The following TIAM1 variants were observed in gnomAD, a reference collection of about 807,000 sequenced individuals.
TIAM1 encodes TIAM Rac1 associated GEF 1.
TIAM1 carries 65 observed loss-of-function variants against 163.5 expected under a neutral mutation model. That is an observed-to-expected ratio of 0.40 (90% confidence interval 0.33 to 0.49). TIAM1 has a LOEUF of 0.49. Among genes scored for constraint, TIAM1 ranks in the 20% least tolerant of loss-of-function variants. TIAM1 has a pLI of 0.77. For missense variants in TIAM1, 1,789 were observed against 2,044.7 expected, an observed-to-expected ratio of 0.87 and a Z score of 2.41; for synonymous variants, 833 against 810.1, an observed-to-expected ratio of 1.03 and a Z score of -0.48.
intron 2 of TIAM1, among the ~76,000 whole-genome samples, chr21:31,437,095 G>T (rs1028958555): frequency 6.6e-6 from 1 of 152,034 alleles, no homozygotes; most frequent in Non-Finnish European, 1.5e-5. Context: ...TCACATTATG[G>T]AGAAAATAGT....
At chr21:31,538,934 G>A (rs910546470) in intron 1 of TIAM1, among the ~76,000 whole-genome samples, 1 of 152,256 alleles carries the variant, frequency 6.6e-6, no homozygotes, top group Admixed American at 6.5e-5. Flanking sequence ...CATGCCTCCC[G>A]TAATGGAAAC....
chr21:31,554,916 A>G (rs1268417514), intron 1 of TIAM1, among the ~76,000 whole-genome samples: 1 of 152,136 alleles, frequency 6.6e-6, no homozygotes, highest in African/African-American at 2.4e-5. Flanking sequence ...CTAGGCCCTT[A>G]TGAATTTCTT....
chr21:31,172,311 T>C (rs1222652520), intron 15 of TIAM1, among the ~76,000 whole-genome samples: 2 of 151,822 alleles, frequency 1.3e-5, no homozygotes, highest in Admixed American at 6.6e-5. Flanking sequence ...GTTTGTTTTT[T>C]TTTTAATCCC....
chr21:31,433,808 T>A (rs903012284), intron 2 of TIAM1, among the ~76,000 whole-genome samples: 3 of 152,206 alleles, frequency 2.0e-5, no homozygotes, highest in Admixed American at 2.0e-4. Context: ...ATGTCCTTTT[T>A]TTTTTTTGAG....
intron 1 of TIAM1, among the ~76,000 whole-genome samples, chr21:31,535,118 C>CA (rs1182152748): frequency 6.7e-6 from 1 of 149,126 alleles, no homozygotes; most frequent in African/African-American, 2.5e-5. Context: ...CGCAGTGGCT[C>CA]ACGCCTGTAA....
chr21:31,460,739 A>G lies in TIAM1; in HGVS notation c.-369+3244T>C, dbSNP rs756948146. On this transcript the variant is annotated intron_variant, in intron 2 of 28. Transcript: ENST00000286827. ...TAAGCTTCACACTTCAAAGACTGTT[A>G]ATTACACATTATGACACCAATTATA... Among the ~76,000 whole-genome samples the G allele has an allele frequency of 5.3e-5, 8 of 152,378 alleles. No homozygotes were observed. In the South Asian group the frequency reaches 1.4e-3, roughly 28 times the overall value.
chr21:31,487,172 G>A (rs1013609721), intron 1 of TIAM1, among the ~76,000 whole-genome samples: 4 of 152,088 alleles, frequency 2.6e-5, no homozygotes, highest in African/African-American at 7.2e-5. Flanking sequence ...AGCTTTTTCC[G>A]ACAGGGCACA....
intron 15 of TIAM1, among the ~76,000 whole-genome samples, chr21:31,181,948 C>T (rs1304514605): frequency 6.7e-6 from 1 of 149,948 alleles, no homozygotes; most frequent in Non-Finnish European, 1.5e-5. Context: ...CTATGCCCAG[C>T]TCATTTTTTT....
intron 1 of TIAM1, among the ~76,000 whole-genome samples, chr21:31,517,519 A>C (rs2047424679): frequency 6.6e-6 from 1 of 152,218 alleles, no homozygotes; most frequent in Non-Finnish European, 1.5e-5. Flanking sequence ...GGGAGAGTCC[A>C]CGTAGATCTA....
At chr21:31,480,684 G>C (rs1406321613) in intron 1 of TIAM1, among the ~76,000 whole-genome samples, 2 of 152,126 alleles carry the variant, frequency 1.3e-5, no homozygotes, top group South Asian at 4.1e-4. Context: ...TAGTCTCCCT[G>C]GGCTGCCATA....
intron 2 of TIAM1, among the ~76,000 whole-genome samples, chr21:31,393,148 G>T (rs1162631589): frequency 6.6e-6 from 1 of 152,028 alleles, no homozygotes; most frequent in African/African-American, 2.4e-5. Context: ...TTAGGACAGG[G>T]TTTCACCATG....
At chr21:31,359,361 C>T (rs1453156063) in intron 2 of TIAM1, among the ~76,000 whole-genome samples, 1 of 152,172 alleles carries the variant, frequency 6.6e-6, no homozygotes, top group Non-Finnish European at 1.5e-5. Flanking sequence ...CACTGCCTAG[C>T]ACACAGTAGG....
At chr21:31,391,849 C>T (rs1406271319) in intron 2 of TIAM1, among the ~76,000 whole-genome samples, 1 of 152,080 alleles carries the variant, frequency 6.6e-6, no homozygotes, top group Non-Finnish European at 1.5e-5. Context: ...TAAAGAGAGT[C>T]CCTGATTTAG....
chr21:31,372,466 C>A (rs928446092), intron 2 of TIAM1, among the ~76,000 whole-genome samples: 2 of 152,180 alleles, frequency 1.3e-5, no homozygotes, highest in Non-Finnish European at 1.5e-5. Flanking sequence ...CTGTGACCAA[C>A]CCCTGCTCAG....
At chr21:31,357,589 T>G (rs1314424634) in intron 2 of TIAM1, among the ~76,000 whole-genome samples, 1 of 152,148 alleles carries the variant, frequency 6.6e-6, no homozygotes, top group Non-Finnish European at 1.5e-5. Context: ...CTCCTCCACA[T>G]CATCAAATTA....
intron 1 of TIAM1, among the ~76,000 whole-genome samples, chr21:31,503,600 G>GA (rs1416925671): frequency 1.4e-5 from 1 of 69,870 alleles, no homozygotes; most frequent in Non-Finnish European, 3.0e-5. Flanking sequence ...GGAGGGGAGG[G>GA]GAGGGGAGGG....
At chr21:31,372,636 A>G (rs2076614794) in intron 2 of TIAM1, among the ~76,000 whole-genome samples, 1 of 152,134 alleles carries the variant, frequency 6.6e-6, no homozygotes, top group South Asian at 2.1e-4. Flanking sequence ...GGGTTTGAAA[A>G]ACTAGGTAGC....
intron 6 of TIAM1, among the ~76,000 whole-genome samples, chr21:31,230,823 C>G (rs1196311293): frequency 1.3e-5 from 2 of 152,184 alleles, no homozygotes; most frequent in Non-Finnish European, 2.9e-5. Context: ...CGTACACCAC[C>G]AAGCCCAGGT....
chr21:31,386,157 G>A (rs1032859802), intron 2 of TIAM1, among the ~76,000 whole-genome samples: 1 of 152,110 alleles, frequency 6.6e-6, no homozygotes, highest in Non-Finnish European at 1.5e-5. Context: ...GCCTGCGCCA[G>A]CTATCTCGAG....
Sources: allele counts gnomAD v4.1 joint callset (sites outside exome capture counted in the v4.1 genomes callset), GRCh38; gene constraint gnomAD v4.1.1; transcripts MANE v1.5; gene names NCBI Gene and HGNC (gene_info 2026-07-23, HGNC 2026-07-21).